Variants in RB1 observed in about 807,000 individuals in gnomAD.
RB1 encodes retinoblastoma-associated protein.
RB1 carries 18 observed loss-of-function variants against 135.4 expected under a neutral mutation model. The ratio of observed to expected loss-of-function variants is 0.13; its 90% CI spans 0.09 to 0.20. The LOEUF is 0.20. Ranked by LOEUF, RB1 falls within the 10% of genes least tolerant of loss-of-function variation. The pLI is 1.00. For missense variants in RB1, 868 were observed against 1,110.0 expected (o/e 0.78, Z 3.10); for synonymous variants, 365 against 373.2 (o/e 0.98, Z 0.25).
intron 26 of RB1, among the ~76,000 whole-genome samples, chr13:48,479,140 A>AT (rs1949521869): frequency 6.6e-6 from 1 of 152,072 alleles, no homozygotes; most frequent in Admixed American, 6.6e-5. Context: ...AGGTGAGAGA[A>AT]TTGCTTGAGC....
At chr13:48,333,366 T>C in intron 2 of RB1, 2 of 295,112 alleles carry the variant, frequency 6.8e-6, no homozygotes, top group Admixed American at 5.1e-5. Flanking sequence ...GAGTAGTAGA[T>C]ATCAGTTTTG....
chr13:48,479,924 A>G, intron 26 of RB1, 74 bp from the exon 27 acceptor site: 1 of 1,173,750 alleles, frequency 8.5e-7, no homozygotes, highest in Middle Eastern at 1.9e-4. Context: ...ACATGAGCAT[A>G]ATATATATGG....
At chr13:48,344,964 T>A in intron 3 of RB1, 116 bp from the exon 4 acceptor site, 4 of 1,251,166 alleles carry the variant, frequency 3.2e-6, no homozygotes, top group Non-Finnish European at 4.4e-6. Flanking sequence ...AAGGATATAG[T>A]AGTGATTTGA....
intron 2 of RB1, among the ~76,000 whole-genome samples, chr13:48,328,883 C>G (rs1188403747): frequency 9.9e-5 from 15 of 152,112 alleles, no homozygotes; most frequent in Admixed American, 9.8e-4. Context: ...TTAAATATCT[C>G]TCCATTCTAT....
At chr13:48,400,943 AC>A (rs1233027348) in intron 17 of RB1, among the ~76,000 whole-genome samples, 1 of 151,902 alleles carries the variant, frequency 6.6e-6, no homozygotes, top group Non-Finnish European at 1.5e-5. Context: ...CTCTTGAGGC[AC>A]CCCTCCTCCC....
chr13:48,340,060 T>C (rs562783685), intron 2 of RB1, among the ~76,000 whole-genome samples: 23 of 152,320 alleles, frequency 1.5e-4, no homozygotes, highest in Admixed American at 7.2e-4. Context: ...AGGAAGGATA[T>C]TCTTCTCAAC....
At chr13:48,471,573 T>TAAAAAAAAA (rs1555294964) in intron 23 of RB1, among the ~76,000 whole-genome samples, 4 of 133,968 alleles carry the variant, frequency 3.0e-5, no homozygotes, top group East Asian at 2.2e-4. Context: ...AAAATATAAA[T>TAAAAAAAAA]AAAAAAAAAA....
At chr13:48,451,275 A>T (rs1440336124) in intron 17 of RB1, among the ~76,000 whole-genome samples, 2 of 152,180 alleles carry the variant, frequency 1.3e-5, no homozygotes, top group Non-Finnish European at 2.9e-5. Context: ...TGGATTTGTC[A>T]TAGATGGCTC....
chr13:48,403,794 C>G (rs1027649680), intron 17 of RB1, among the ~76,000 whole-genome samples: 1 of 151,972 alleles, frequency 6.6e-6, no homozygotes, highest in East Asian at 1.9e-4. Flanking sequence ...ACTTTGTGAG[C>G]AACATTTTAA....
chr13:48,453,042 C>A lies in RB1; in HGVS notation c.1745C>A (p.Pro582Gln), dbSNP rs757198343. Residue 582 changes from proline to glutamine, a missense_variant, in exon 18 of 27, where the codon CCA (proline) becomes CAA (glutamine). Physicochemically the swap from Pro to Gln is moderately conservative, Grantham distance 76. Coordinates refer to ENST00000267163, the MANE Select transcript of RB1 (RefSeq NM_000321.3). Reference protein sequence around the residue: ...LIKQSKDREGPTDHLESACPL... With the variant: ...LIKQSKDREGQTDHLESACPL... ...AAACAATCAAAGGACCGAGAAGGAC[C>A]AACTGATCACCTTGAATCTGCTTGT... is the stretch of plus-strand genomic sequence containing the variant. 1 of 1,613,218 alleles carries A rather than the reference C, an allele frequency of 6.2e-7. No homozygotes were observed. Among genetic ancestry groups the A allele is most frequent in the African/African-American group, 1.3e-5 (1 of 75,006 alleles).
chr13:48,304,520 G>C (rs1281678914), intron 1 of RB1, among the ~76,000 whole-genome samples: 17 of 152,210 alleles, frequency 1.1e-4, no homozygotes, highest in Admixed American at 1.0e-3. Context: ...TGCATCTGAA[G>C]TCCATTTGTG....
At position 48,460,295 on chromosome 13, in the gene RB1, A is replaced by G. The variant is rs4151596; in HGVS notation, c.2106+462A>G. ...TTGTTAAGTGATTTCTAAAGAAAAT[A>G]TTAGATTCAAATGAGAAACTAGATC... On this transcript the variant is annotated intron_variant, in intron 20 of 26. Coordinates refer to ENST00000267163, the MANE Select transcript of RB1 (RefSeq NM_000321.3). Among the ~76,000 whole-genome samples, 1,298 of 152,220 alleles carry G rather than the reference A, an allele frequency of 8.5e-3. 23 individuals are homozygous for G. Among genetic ancestry groups the G allele is most frequent in the African/African-American group, 0.03 (1,242 of 41,548 alleles).
chr13:48,437,066 G>A (rs1015825850), intron 17 of RB1, among the ~76,000 whole-genome samples: 3 of 152,118 alleles, frequency 2.0e-5, no homozygotes, highest in African/African-American at 7.2e-5. Context: ...ATGTATGTTA[G>A]TTATGAAAAG....
intron 2 of RB1, among the ~76,000 whole-genome samples, chr13:48,308,265 A>C (rs1251445375): frequency 6.6e-6 from 1 of 150,924 alleles, no homozygotes; most frequent in Non-Finnish European, 1.5e-5. Context: ...TGGGACGATC[A>C]CTTGAACCTG....
chr13:48,448,686 C>A (rs902944431), intron 17 of RB1, among the ~76,000 whole-genome samples: 2 of 152,076 alleles, frequency 1.3e-5, no homozygotes, highest in African/African-American at 2.4e-5. Context: ...GAGTTGAAAG[C>A]GCATCTTTAA....
At chr13:48,308,121 A>G (rs1952100624) in intron 2 of RB1, among the ~76,000 whole-genome samples, 1 of 151,748 alleles carries the variant, frequency 6.6e-6, no homozygotes, top group Non-Finnish European at 1.5e-5. Context: ...TTGCGTAAGT[A>G]TAGATGTATA....
At chr13:48,457,297 T>A (rs377327492) in intron 19 of RB1, among the ~76,000 whole-genome samples, 1 of 152,096 alleles carries the variant, frequency 6.6e-6, no homozygotes, top group South Asian at 2.1e-4. Flanking sequence ...GCAGAAAGGG[T>A]AGCTCCTCTC....
intron 17 of RB1, chr13:48,411,261 A>T: frequency 1.3e-6 from 1 of 782,566 alleles, no homozygotes; most frequent in Non-Finnish European, 2.2e-6. Flanking sequence ...TTTTCTTTAT[A>T]CTAAAGACTT....
At chr13:48,390,013 G>A (rs1383900155) in intron 17 of RB1, among the ~76,000 whole-genome samples, 1 of 152,052 alleles carries the variant, frequency 6.6e-6, no homozygotes, top group Non-Finnish European at 1.5e-5. Flanking sequence ...AATTAGCCAG[G>A]TGTGGTGGCA....
Sources: gnomAD v4.1 joint callset for allele counts (sites outside exome capture counted in the v4.1 genomes callset) on GRCh38, gnomAD v4.1.1 for gene constraint, MANE v1.5 for transcripts, NCBI Gene and HGNC (gene_info 2026-07-23, HGNC 2026-07-21) for gene names.